Variants in PCDH7 observed in about 807,000 individuals in gnomAD.
PCDH7 encodes protocadherin 7, also known as protocadherin-7.
In PCDH7, 17 loss-of-function variants were observed where a neutral mutation model predicts 58.9. That is an observed-to-expected ratio of 0.29 (90% CI 0.20 to 0.43). The LOEUF is 0.43. PCDH7 is among the 20% of genes least tolerant of loss of function. PCDH7 has a pLI of 1.00. For missense variants in PCDH7, 1,274 were observed against 1,441.0 expected (o/e 0.88, Z 1.88); for synonymous variants, 664 against 616.4 (o/e 1.08, Z -1.14).
At chr4:30,736,673 C>T (rs890818675), downstream of PCDH7, among the ~76,000 whole-genome samples, 1 of 151,628 alleles carries the variant, frequency 6.6e-6, no homozygotes, top group Non-Finnish European at 1.5e-5. Context: ...GTAGCTGGGA[C>T]TACAGGGGCC....
intron 3 of PCDH7, among the ~76,000 whole-genome samples, chr4:31,060,298 C>T (rs573484227): frequency 3.8e-4 from 57 of 151,886 alleles, no homozygotes; most frequent in African/African-American, 1.3e-3. Context: ...ACCGTACTCA[C>T]TGACTGTTTA....
In PCDH7 at chr4:30,888,906, T is replaced by C. The variant is rs561013361; in HGVS notation, c.71-31247T>C. Reference sequence around the variant, plus strand: ...ATATATATATTTACTTTTGACCAAGTGTGGTGGCTCATGCCTGTAATTCCA... The same window carrying C: ...ATATATATATTTACTTTTGACCAAGCGTGGTGGCTCATGCCTGTAATTCCA... On this transcript the variant is annotated intron_variant, in intron 1 of 3. Coordinates refer to the PCDH7 transcript ENST00000509759. 5.9e-5 allele frequency among the ~76,000 whole-genome samples: 9 copies of C among 151,854 alleles called. No homozygotes were observed. The South Asian group carries it at 1.9e-3, about 32-fold the overall frequency.
intron 3 of PCDH7, among the ~76,000 whole-genome samples, chr4:31,052,018 A>C (rs1019004265): frequency 2.0e-5 from 3 of 152,118 alleles, no homozygotes; most frequent in Non-Finnish European, 4.4e-5. Context: ...GTAATTTTGC[A>C]AATATCTGAA....
chr4:30,721,375 C>A lies in PCDH7; in HGVS notation c.-48C>A, dbSNP rs1441872577. 2.1e-6 allele frequency: 3 copies of A among 1,428,020 alleles called. No homozygotes were observed. The highest frequency in any genetic ancestry group is 2.7e-6 in the Non-Finnish European group (3 of 1,091,976). 88.5% of individuals were successfully genotyped at this position (1,428,020 alleles called of 1,614,324 possible). ...GGCCGGCCCCGGAGGAGGGGGGCGC[C>A]GAGGGGGCTGTGGTTAGAAGGAGCA... On this transcript the variant is annotated 5_prime_UTR_variant, in exon 1 of 2. Transcript: ENST00000361762. The surrounding 1 kb of genome is among the most constrained non-coding windows in gnomAD (Gnocchi z 6.7).
chr4:30,814,990 C>T (rs1189325136), intron 1 of PCDH7, among the ~76,000 whole-genome samples: 5 of 151,798 alleles, frequency 3.3e-5, no homozygotes, highest in African/African-American at 1.2e-4. Context: ...TCAAAGAGTA[C>T]AGCTTTGAGA....
intron 2 of PCDH7, among the ~76,000 whole-genome samples, chr4:30,932,269 G>A (rs555153941): frequency 1.9e-4 from 29 of 152,278 alleles, no homozygotes; most frequent in African/African-American, 7.0e-4. Context: ...CCACAGAAAT[G>A]TCACGTCACT....
intron 3 of PCDH7, among the ~76,000 whole-genome samples, chr4:30,996,303 G>T (rs1315612559): frequency 6.6e-6 from 1 of 152,094 alleles, no homozygotes; most frequent in Non-Finnish European, 1.5e-5. Flanking sequence ...ATTCTAACTA[G>T]GGCAAAACCC....
chr4:30,934,234 C>T (rs1037082266), intron 2 of PCDH7, among the ~76,000 whole-genome samples: 7 of 152,130 alleles, frequency 4.6e-5, no homozygotes, highest in African/African-American at 1.4e-4. Context: ...TCGCTGCCTA[C>T]GTCTGAGTAT....
At chr4:31,065,504 A>C (rs183703886) in intron 3 of PCDH7, among the ~76,000 whole-genome samples, 2 of 152,152 alleles carry the variant, frequency 1.3e-5, no homozygotes, top group African/African-American at 4.8e-5. Context: ...ATGCTTCTCC[A>C]ATTACAAAGC....
intron 2 of PCDH7, among the ~76,000 whole-genome samples, chr4:30,924,169 G>A (rs1194969243): frequency 1.3e-5 from 2 of 152,058 alleles, no homozygotes; most frequent in South Asian, 4.1e-4. Flanking sequence ...TCTTTCCAAA[G>A]CCCCCTCTAA....
At chr4:30,999,384 A>G (rs1752162943) in intron 3 of PCDH7, among the ~76,000 whole-genome samples, 1 of 152,162 alleles carries the variant, frequency 6.6e-6, no homozygotes, top group Non-Finnish European at 1.5e-5. Flanking sequence ...TGTTGATTAC[A>G]CAAAATTTCC....
chr4:30,810,271 A>G (rs143542487), intron 1 of PCDH7, among the ~76,000 whole-genome samples: 2 of 152,288 alleles, frequency 1.3e-5, no homozygotes, highest in Admixed American at 6.5e-5. Context: ...TGTCTGCTAC[A>G]ATATCCATAA....
chr4:30,863,730 A>G (rs1234309293), intron 1 of PCDH7, among the ~76,000 whole-genome samples: 1 of 152,114 alleles, frequency 6.6e-6, no homozygotes, highest in Non-Finnish European at 1.5e-5. Context: ...AAACTTTTGT[A>G]TTGAAGTTTG....
intron 1 of PCDH7, among the ~76,000 whole-genome samples, chr4:30,792,654 C>T (rs1458584688): frequency 1.3e-5 from 2 of 152,174 alleles, no homozygotes; most frequent in African/African-American, 2.4e-5. Context: ...AGATCAGGTA[C>T]AGCTCAGTCT....
At chr4:31,024,283 A>G (rs1037696856) in intron 3 of PCDH7, among the ~76,000 whole-genome samples, 8 of 152,200 alleles carry the variant, frequency 5.3e-5, no homozygotes, top group African/African-American at 1.9e-4. Flanking sequence ...TTCATATTTT[A>G]CTTTCCTTTT....
At chr4:30,784,526 G>T (rs1723165732) in intron 1 of PCDH7, among the ~76,000 whole-genome samples, 1 of 152,014 alleles carries the variant, frequency 6.6e-6, no homozygotes, top group South Asian at 2.1e-4. Flanking sequence ...ACATTTAAAT[G>T]CATTATATTC....
chr4:30,763,784 G>A (rs1490385541), intron 1 of PCDH7, among the ~76,000 whole-genome samples: 1 of 152,260 alleles, frequency 6.6e-6, no homozygotes, highest in Non-Finnish European at 1.5e-5. Context: ...TTTGTGTATC[G>A]TCTTCCGTTT....
At chr4:30,781,218 CTTTT>C (rs528737377) in intron 1 of PCDH7, among the ~76,000 whole-genome samples, 1 of 140,560 alleles carries the variant, frequency 7.1e-6, no homozygotes, top group Admixed American at 7.2e-5. Context: ...AGGCGTTCTT[CTTTT>C]TTTTTTTTTT....
chr4:30,893,648 T>C (rs1029481761), intron 1 of PCDH7, among the ~76,000 whole-genome samples: 2 of 152,122 alleles, frequency 1.3e-5, no homozygotes, highest in Non-Finnish European at 2.9e-5. Context: ...ATGGCTTATT[T>C]TGTTGAATAT....
Sources: allele counts gnomAD v4.1 joint callset (sites outside exome capture counted in the v4.1 genomes callset), GRCh38; gene constraint gnomAD v4.1.1; non-coding constraint Gnocchi (gnomAD v3.1); transcripts MANE v1.5; gene names NCBI Gene and HGNC (gene_info 2026-07-23, HGNC 2026-07-21).